STRBP: variants seen among roughly 807,000 people sequenced by gnomAD.
STRBP encodes the protein spermatid perinuclear RNA-binding protein.
In STRBP, 13 loss-of-function variants were observed where a neutral mutation model predicts 80.1. The ratio of observed to expected loss-of-function variants is 0.16; its 90% CI spans 0.11 to 0.26. STRBP has a LOEUF of 0.26. Ranked by LOEUF, STRBP falls within the 10% of genes least tolerant of loss-of-function variation. The pLI, the probability that STRBP is intolerant of heterozygous loss-of-function variation, is 1.00. For missense variants in STRBP, 485 were observed against 815.2 expected (o/e 0.59, Z 4.93); for synonymous variants, 284 against 291.2 (o/e 0.98, Z 0.25).
At chr9:123,196,535 G>GA (rs937782699) in intron 2 of STRBP, among the ~76,000 whole-genome samples, 10 of 150,348 alleles carry the variant, frequency 6.7e-5, no homozygotes, top group African/African-American at 1.7e-4. Flanking sequence ...AACTCAATAG[G>GA]AAAAAAAAAT....
At chr9:123,192,066 G>A (rs2038944672) in intron 2 of STRBP, among the ~76,000 whole-genome samples, 2 of 152,196 alleles carry the variant, frequency 1.3e-5, no homozygotes, top group African/African-American at 4.8e-5. Flanking sequence ...TGACTTTAAG[G>A]TTATTGGCCT....
intron 2 of STRBP, among the ~76,000 whole-genome samples, chr9:123,217,648 CT>C (rs1288173221): frequency 6.6e-6 from 1 of 152,164 alleles, no homozygotes; most frequent in Non-Finnish European, 1.5e-5. Context: ...AAAGTTAAAC[CT>C]CCCTTAAAAC....
chr9:123,170,139 T>G, intron 5 of STRBP, 93 bp from the exon 6 acceptor site: 1 of 1,243,354 alleles, frequency 8.0e-7, no homozygotes, highest in South Asian at 1.5e-5. Flanking sequence ...TCTCGAATGT[T>G]ACTATTAATA....
In STRBP at chr9:123,124,383, G is replaced by A. The variant is rs978281867; in HGVS notation, c.*1214C>T. On this transcript the variant is annotated 3_prime_UTR_variant, in exon 19 of 19. Coordinates refer to ENST00000348403, the MANE Select transcript of STRBP (RefSeq NM_018387.5). ...CAAACAAGGTGAGAATGCAAGTGGA[G>A]GACTTAGGTCTGCACCCTTTACAGA... is the stretch of plus-strand genomic sequence containing the variant. 4 of 985,286 alleles carry A rather than the reference G, an allele frequency of 4.1e-6. No individual in the cohort carries two copies. The African/African-American group carries it at 7.0e-5, about 17-fold the overall frequency. The allele number at this position is 985,286 out of a possible 1,614,324, so 61.0% of individuals were successfully genotyped here.
chr9:123,209,795 AAAT>A (rs1449610629), intron 2 of STRBP, among the ~76,000 whole-genome samples: 1 of 152,234 alleles, frequency 6.6e-6, no homozygotes, highest in East Asian at 1.9e-4. Context: ...TTTTCAAAAT[AAAT>A]AATAAGTTTG....
chr9:123,119,777 A>G (rs190158516), downstream of STRBP, among the ~76,000 whole-genome samples: 72 of 152,290 alleles, frequency 4.7e-4, no homozygotes, highest in Non-Finnish European at 4.9e-4. Flanking sequence ...AAAACATATT[A>G]TGTGTATTAA....
chr9:123,165,073 G>C (rs1407930394), intron 6 of STRBP, among the ~76,000 whole-genome samples: 1 of 151,994 alleles, frequency 6.6e-6, no homozygotes, highest in Non-Finnish European at 1.5e-5. Context: ...ACAAGGTCAA[G>C]AGATCGAGAT....
At chr9:123,217,493 A>C (rs2039934705) in intron 2 of STRBP, among the ~76,000 whole-genome samples, 3 of 152,204 alleles carry the variant, frequency 2.0e-5, no homozygotes, top group African/African-American at 7.2e-5. Flanking sequence ...CAAGGTAAAA[A>C]TCATTGCCAA....
At chr9:123,181,981 G>A (rs368683743) in intron 3 of STRBP, among the ~76,000 whole-genome samples, 2 of 151,540 alleles carry the variant, frequency 1.3e-5, no homozygotes, top group Non-Finnish European at 1.5e-5. Flanking sequence ...TTTGGCTCAC[G>A]AGGAGGGTGG....
rs767743584 is a variant in STRBP at position 123,161,022 on chromosome 9, T to C, written c.582A>G (p.Lys194=). Reference sequence around the variant, plus strand: ...GAAGAGACGCCAAGGCGTTCAGGCATTTCTGCCTGTCCAATAAGTCCGGAG... The same window carrying C: ...GAAGAGACGCCAAGGCGTTCAGGCACTTCTGCCTGTCCAATAAGTCCGGAG... The part of the protein sequence containing the change: ...KDPPDLLDRQ[K]CLNALASLRH... The change falls in exon 7 of 19, where the codon AAA becomes AAG. Residue 194 remains lysine (K), a synonymous_variant. Transcript: ENST00000348403. The C allele has an allele frequency of 3.8e-6, 6 of 1,597,178 alleles. No individual in the cohort carries two copies. In the African/African-American group the frequency reaches 6.8e-5, roughly 18 times the overall value.
chr9:123,139,194 C>G (rs963208708), intron 14 of STRBP, among the ~76,000 whole-genome samples: 12 of 152,200 alleles, frequency 7.9e-5, no homozygotes, highest in African/African-American at 2.7e-4. Flanking sequence ...ACTGCTGATA[C>G]TCTTGGTATA....
chr9:123,267,707 G>T (rs960579538), intron 1 of STRBP, among the ~76,000 whole-genome samples: 1 of 84,408 alleles, frequency 1.2e-5, no homozygotes, highest in East Asian at 3.6e-4. Context: ...TCCCCTTCAC[G>T]GGCGTCCCGG....
At chr9:123,204,189 A>C (rs1308116601) in intron 2 of STRBP, among the ~76,000 whole-genome samples, 14 of 152,242 alleles carry the variant, frequency 9.2e-5, no homozygotes, top group Admixed American at 9.2e-4. Context: ...GATCACATTC[A>C]ATGCTCACAT....
intron 2 of STRBP, among the ~76,000 whole-genome samples, chr9:123,199,035 C>T (rs2039212462): frequency 6.6e-6 from 1 of 152,192 alleles, no homozygotes; most frequent in Non-Finnish European, 1.5e-5. Context: ...GCCTCTGCCT[C>T]CTGGGTTCAA....
intron 9 of STRBP, 99 bp from the exon 10 acceptor site, chr9:123,158,528 GA>G (rs142605162): frequency 0.29 from 256,434 of 877,792 alleles, 37,943 homozygotes; most frequent in Non-Finnish European, 0.34. Flanking sequence ...AAGAGAAAAT[GA>G]AAAAAAAAAC....
intron 11 of STRBP, among the ~76,000 whole-genome samples, chr9:123,156,796 A>C (rs2037306382): frequency 1.3e-5 from 2 of 152,064 alleles, no homozygotes; most frequent in Non-Finnish European, 2.9e-5. Context: ...CAGACTGGGC[A>C]ACTGCACTAT....
Position 123,115,293 on chromosome 9 carries a change from C to G in STRBP, c.*84+636G>C, listed in dbSNP as rs1243220460. On this transcript the variant is annotated intron_variant and NMD_transcript_variant, in intron 3 of 3. Coordinates refer to the STRBP transcript ENST00000471564. This position sits in a 1 kb window ranked among gnomAD's most constrained non-coding sequence, Gnocchi z 5.0. The stretch of plus-strand genomic sequence containing the variant: ...GAAGCCTATCGCTCTTGGTAAATTA[C>G]TCAGTAAGCACTTCTCTCCTGAGGC... 1 of 471,068 alleles carries G rather than the reference C, an allele frequency of 2.1e-6. No individual in the cohort carries two copies. Among genetic ancestry groups the G allele is most frequent in the Non-Finnish European group, 4.4e-6 (1 of 227,054 alleles). 29.2% of individuals were successfully genotyped at this position (471,068 alleles called of 1,614,324 possible).
chr9:123,180,915 T>C lies in STRBP; in HGVS notation c.4-1688A>G, dbSNP rs1459472697. ...GGTAAATATTTTGTTTTGAAGTCCA[T>C]CGCAAACTAAAACATTCTCAATTTT... On this transcript the variant is annotated intron_variant, in intron 3 of 18. Coordinates refer to ENST00000348403, the MANE Select transcript of STRBP (RefSeq NM_018387.5). The C allele has an allele frequency of 1.9e-5, 19 of 984,830 alleles. No homozygotes were observed. In the South Asian group the frequency reaches 7.0e-4, roughly 37 times the overall value. 61.0% of individuals were successfully genotyped at this position (984,830 alleles called of 1,614,324 possible).
chr9:123,188,741 A>G (rs544364470), intron 2 of STRBP, among the ~76,000 whole-genome samples: 3 of 152,332 alleles, frequency 2.0e-5, no homozygotes, highest in East Asian at 3.9e-4. Flanking sequence ...CTGAAATGCA[A>G]TAGAGAGAAT....
Sources: allele counts gnomAD v4.1 joint callset (sites outside exome capture counted in the v4.1 genomes callset), GRCh38; gene constraint gnomAD v4.1.1; non-coding constraint Gnocchi (gnomAD v3.1); transcripts MANE v1.5; gene names NCBI Gene and HGNC (gene_info 2026-07-23, HGNC 2026-07-21).